The following ZNF418 variants were observed in gnomAD, a reference collection of about 807,000 sequenced individuals.
ZNF418 encodes the protein zinc finger protein 418.
Under a neutral mutation model 32.0 loss-of-function variants are expected in ZNF418, and 32 were observed. That is an observed-to-expected ratio of 1.00 (90% CI 0.75 to 1.34). ZNF418 has a LOEUF of 1.34. Among genes scored for constraint, ZNF418 ranks in the 40% most tolerant of loss-of-function variants. The pLI, the probability that ZNF418 is intolerant of heterozygous loss-of-function variation, is 0.00. For synonymous variants in ZNF418, 276 were observed against 270.7 expected (o/e 1.02, Z -0.19); for missense variants, 804 against 812.5 (o/e 0.99, Z 0.13).
chr19:57,926,525 G>T lies in ZNF418; in HGVS notation c.1656C>A (p.Ser552=). Residue 552 remains serine (S), a synonymous_variant, in exon 4 of 6, where the codon TCC becomes TCA. Coordinates refer to ENST00000396147, the MANE Select transcript of ZNF418 (RefSeq NM_133460.3). ...TGTGAGTTTTCTGATGTCGAAGGAG[G>T]GAAGAGCTCTGATGAAATGACTTTC... The part of the protein sequence containing the change: ...ECGKSFHQSS[S]LLRHQKTHTA... 6.2e-7 allele frequency: 1 copy of T among 1,613,098 alleles called. No individual in the cohort carries two copies. Among genetic ancestry groups the T allele is most frequent in the Middle Eastern group, 1.7e-4 (1 of 6,054 alleles).
At chr19:57,933,748 T>C in intron 2 of ZNF418, 69 bp downstream of exon 2, 2 of 1,597,038 alleles carry the variant, frequency 1.3e-6, no homozygotes, top group Non-Finnish European at 1.7e-6. Flanking sequence ...CTAGTTGCCA[T>C]TTTACAAACT....
Position 57,926,539 on chromosome 19 carries a change from G to T in ZNF418, c.1642C>A (p.His548Asn). Residue 548 changes from histidine to asparagine, a missense_variant, in exon 4 of 6, where the codon CAT becomes AAT. Physicochemically the swap from His to Asn is moderately conservative, Grantham distance 68. Around this residue, in one of 3 missense-constraint regions of ZNF418, gnomAD observed 475 missense variants for 458.6 expected, o/e 1.04. Coordinates refer to ENST00000396147, the MANE Select transcript of ZNF418 (RefSeq NM_133460.3). ...YECGECGKSF[H>N]QSSSLLRHQK... The stretch of plus-strand genomic sequence containing the variant: ...TGTCGAAGGAGGGAAGAGCTCTGAT[G>T]AAATGACTTTCCACATTCTCCACAT... The T allele has an allele frequency of 6.2e-7, 1 of 1,613,884 alleles. No homozygotes were observed. Among genetic ancestry groups the T allele is most frequent in the African/African-American group, 1.3e-5 (1 of 74,932 alleles).
chr19:57,922,555 G>A lies in ZNF418; in HGVS notation c.*700C>T, dbSNP rs2072033096. On this transcript the variant is annotated 3_prime_UTR_variant, in exon 6 of 6. Coordinates refer to ENST00000396147, the MANE Select transcript of ZNF418 (RefSeq NM_133460.3). ...ATAATCAGTTCATATTTATAATCTTGGGCTGGAGGCAAATGCATACAGTTT... is the reference window on the plus strand; with the variant it reads ...ATAATCAGTTCATATTTATAATCTTAGGCTGGAGGCAAATGCATACAGTTT... 2.5e-6 allele frequency: 1 copy of A among 398,344 alleles called. No homozygotes were observed. Among genetic ancestry groups the A allele is most frequent in the Non-Finnish European group, 4.4e-6 (1 of 226,056 alleles). The allele number at this position is 398,344 out of a possible 1,614,324, so 24.7% of individuals were successfully genotyped here. A position where few individuals can be genotyped will look rare whatever the true frequency, so the allele number is the denominator to read the frequency against.
At chr19:57,922,685 C>T (rs966033259) in intron 5 of ZNF418, 56 bp from the exon 6 acceptor site, 3 of 398,140 alleles carry the variant, frequency 7.5e-6, no homozygotes, top group Admixed American at 8.8e-5. Flanking sequence ...TGGGACACCA[C>T]TTTGTTAAAT....
chr19:57,931,949 G>C (rs1482541191), intron 2 of ZNF418, among the ~76,000 whole-genome samples: 1 of 152,202 alleles, frequency 6.6e-6, no homozygotes. Flanking sequence ...TATAGTGTTG[G>C]GGAAACAATT....
chr19:57,932,603 A>G, intron 2 of ZNF418: 1 of 1,492,418 alleles, frequency 6.7e-7, no homozygotes, highest in South Asian at 1.3e-5. Flanking sequence ...TCCTCTGTCC[A>G]CCTAGAGTCA....
chr19:57,932,710 C>T, intron 2 of ZNF418: 1 of 1,192,250 alleles, frequency 8.4e-7, no homozygotes, highest in Non-Finnish European at 1.1e-6. Context: ...CTGTCCACCC[C>T]AGGCCCAATG....
chr19:57,927,816 C>G lies in ZNF418; in HGVS notation c.365G>C (p.Ser122Thr). The change falls in exon 4 of 6, where the codon AGT becomes ACT. Residue 122 changes from serine (S) to threonine (T), a missense_variant. This residue lies in a region of ZNF418 where 307 missense variants were observed against 304.9 expected (regional missense o/e 1.01). Transcript: ENST00000396147. The part of the protein sequence containing the change: ...CEAWGNKLYD[S>T]SNRPHQNQYL... Reference sequence around the variant, plus strand: ...CTGATTCTGGTGCGGACGGTTTGAACTATCATACAATTTATTCCCCCATGC... The same window carrying G: ...CTGATTCTGGTGCGGACGGTTTGAAGTATCATACAATTTATTCCCCCATGC... The G allele has an allele frequency of 6.2e-7, 1 of 1,614,090 alleles. No homozygotes were observed. Among genetic ancestry groups the G allele is most frequent in the Non-Finnish European group, 8.5e-7 (1 of 1,179,996 alleles).
At chr19:57,933,280 T>C (rs1184662763) in intron 2 of ZNF418, among the ~76,000 whole-genome samples, 2 of 152,168 alleles carry the variant, frequency 1.3e-5, no homozygotes, top group Admixed American at 1.3e-4. Flanking sequence ...TCACAGTCTA[T>C]TAGAAAATCT....
intron 4 of ZNF418, among the ~76,000 whole-genome samples, chr19:57,923,491 T>C (rs932360105): frequency 6.6e-6 from 1 of 150,542 alleles, no homozygotes; most frequent in Non-Finnish European, 1.5e-5. Flanking sequence ...TACATACATG[T>C]ATATACATAT....
chr19:57,926,744 T>C lies in ZNF418; in HGVS notation c.1437A>G (p.Glu479=), dbSNP rs894226360. 2 of 1,614,206 alleles carry C rather than the reference T, an allele frequency of 1.2e-6. No homozygotes were observed. Among genetic ancestry groups the C allele is most frequent in the East Asian group, 2.2e-5 (1 of 44,880 alleles). ...LIEHQRVHTG[E]RPYECNECGK... ...CACATTCATTACATTCATATGGCCT[T>C]TCTCCAGTGTGAACTCTCTGGTGTT... The change falls in exon 4 of 6, where the codon GAA becomes GAG. Residue 479 remains glutamate (E), a synonymous_variant. Transcript: ENST00000396147.
chr19:57,923,820 C>T (rs1412172596), intron 4 of ZNF418, among the ~76,000 whole-genome samples: 1 of 152,106 alleles, frequency 6.6e-6, no homozygotes, highest in African/African-American at 2.4e-5. Flanking sequence ...TCGTGATCCG[C>T]CTGCCTCAGC....
rs565867821 is a variant in ZNF418 at position 57,926,140 on chromosome 19, A to G, written c.*10T>C. Reference sequence around the variant, plus strand: ...CAGAGGTTTAGCTAAAGAATTTCCCAAATTTCTTTTCACTTGTAAGGACTT... The same window carrying G: ...CAGAGGTTTAGCTAAAGAATTTCCCGAATTTCTTTTCACTTGTAAGGACTT... On this transcript the variant is annotated 3_prime_UTR_variant, in exon 4 of 6. Transcript: ENST00000396147. 1 of 1,598,520 alleles carries G rather than the reference A, an allele frequency of 6.3e-7. No individual in the cohort carries two copies. Among genetic ancestry groups the G allele is most frequent in the South Asian group, 1.1e-5 (1 of 89,588 alleles).
rs370035199 is a variant in ZNF418 at position 57,925,290 on chromosome 19, T to C, written c.*527+333A>G. On this transcript the variant is annotated intron_variant, in intron 4 of 5. Coordinates refer to ENST00000396147, the MANE Select transcript of ZNF418 (RefSeq NM_133460.3). ...CCTGGCTAACACGGAGAAACCCCAT[T>C]TCTACTAAAAATACAAAAAAATTAG... Among the ~76,000 whole-genome samples the C allele has an allele frequency of 1.9e-3, 295 of 151,800 alleles. 10 individuals carry two copies. The South Asian group carries it at 0.06, about 31-fold the overall frequency.
chr19:57,924,766 G>A (rs538453720), intron 4 of ZNF418, among the ~76,000 whole-genome samples: 105 of 152,250 alleles, frequency 6.9e-4, no homozygotes, highest in Non-Finnish European at 1.0e-4. Context: ...GGAAATTTTC[G>A]TGTCGATCTC....
At position 57,926,064 on chromosome 19, in the gene ZNF418, C is replaced by A. The variant is rs2072202628; in HGVS notation, c.*86G>T. On this transcript the variant is annotated 3_prime_UTR_variant, in exon 4 of 6. Transcript: ENST00000396147. ...TGCATAAAGAATATCCCACGTTTGTCACACTCATAAGGTCCTGATCCAGTA... is the reference window on the plus strand; with the variant it reads ...TGCATAAAGAATATCCCACGTTTGTAACACTCATAAGGTCCTGATCCAGTA... 6.0e-6 allele frequency: 7 copies of A among 1,166,738 alleles called. No homozygotes were observed. In the East Asian group the frequency reaches 1.4e-4, roughly 24 times the overall value. The allele number at this position is 1,166,738 out of a possible 1,614,324, so 72.3% of individuals were successfully genotyped here.
chr19:57,927,973 T>C lies in ZNF418; in HGVS notation c.208A>G (p.Ser70Gly), dbSNP rs200814291. The C allele has an allele frequency of 2.7e-5, 44 of 1,608,424 alleles. No homozygotes were observed. Among genetic ancestry groups the C allele is most frequent in the Non-Finnish European group, 3.6e-5 (42 of 1,176,436 alleles). ...SISIQRVSQV[S>G]TPGAGVSPKK... ...GGAGACACACCTGCCCCAGGAGTGC[T>C]GACCTGAGACACTCTTTGTATAGAA... The change falls in exon 4 of 6, where the codon AGC (serine) becomes GGC (glycine). Residue 70 changes from serine to glycine, a missense_variant. Around this residue, in one of 3 missense-constraint regions of ZNF418, gnomAD observed 307 missense variants for 304.9 expected, o/e 1.01. Transcript: ENST00000396147.
At position 57,926,486 on chromosome 19, in the gene ZNF418, A is replaced by C; in HGVS notation, c.1695T>G (p.Pro565=). 1 of 1,613,932 alleles carries C rather than the reference A, an allele frequency of 6.2e-7. No individual in the cohort carries two copies. ...ATTTCCCACATTCTCTGCACTCATA[A>C]GGTCTTTCTGCAGTGTGAGTTTTCT... is the stretch of plus-strand genomic sequence containing the variant. ...RHQKTHTAER[P]YECRECGKFF... The change falls in exon 4 of 6, where the codon CCT becomes CCG. Residue 565 remains proline (P), a synonymous_variant. Transcript: ENST00000396147.
At position 57,926,151 on chromosome 19, in the gene ZNF418, C is replaced by A. The variant is rs768487336; in HGVS notation, c.2030G>T (p.Ter677LeuextTer8). 2 of 1,600,704 alleles carry A rather than the reference C, an allele frequency of 1.2e-6. No individual in the cohort carries two copies. Among genetic ancestry groups the A allele is most frequent in the Admixed American group, 3.5e-5 (2 of 57,606 alleles). ...RVHTERSPYK[*>L] The stretch of plus-strand genomic sequence containing the variant: ...CTAAAGAATTTCCCAAATTTCTTTT[C>A]ACTTGTAAGGACTTCTTTCTGTGTG... The change falls in exon 4 of 6, where the codon TGA becomes TTA. Residue 677 changes from the stop codon to leucine (L), a stop_lost. Coordinates refer to ENST00000396147, the MANE Select transcript of ZNF418 (RefSeq NM_133460.3).
Sources: gnomAD v4.1 joint callset for allele counts (sites outside exome capture counted in the v4.1 genomes callset) on GRCh38, gnomAD v4.1.1 for gene constraint, gnomAD v4.1.1 regional missense constraint, MANE v1.5 for transcripts, NCBI Gene and HGNC (gene_info 2026-07-23, HGNC 2026-07-21) for gene names.